PDE4B: variants seen among roughly 807,000 people sequenced by gnomAD.
The protein encoded by PDE4B is 3',5'-cyclic-AMP phosphodiesterase 4B.
A neutral mutation model predicts 82.2 loss-of-function variants in PDE4B; 20 were observed. The ratio of observed to expected loss-of-function variants is 0.24; its 90% CI spans 0.17 to 0.35. The LOEUF is 0.35. Among genes scored for constraint, PDE4B ranks in the 10% least tolerant of loss-of-function variants. PDE4B has a pLI of 1.00. For missense variants in PDE4B, 655 were observed against 907.2 expected (o/e 0.72, Z 3.57); for synonymous variants, 320 against 318.9 (o/e 1.00, Z -0.04).
rs1245155091 is a variant in PDE4B at position 66,040,140 on chromosome 1, A to G, written c.281+121305A>G. 2.0e-5 allele frequency among the ~76,000 whole-genome samples: 3 copies of G among 152,060 alleles called. No homozygotes were observed. The East Asian group carries it at 5.8e-4, about 29-fold the overall frequency. On this transcript the variant is annotated intron_variant, in intron 3 of 16. Transcript: ENST00000341517. ...ACTCAGGATTCTATGTTTATCTTTT[A>G]ACTTTTTCAATGAGGACGACTATTG...
chr1:66,012,546 A>G (rs1367379648), intron 3 of PDE4B, among the ~76,000 whole-genome samples: 1 of 152,090 alleles, frequency 6.6e-6, no homozygotes, highest in Admixed American at 6.6e-5. Flanking sequence ...CTCACACCCC[A>G]CTTCCTTCTG....
intron 4 of PDE4B, among the ~76,000 whole-genome samples, chr1:66,254,584 C>T (rs978771164): frequency 5.3e-5 from 8 of 152,060 alleles, no homozygotes; most frequent in Non-Finnish European, 7.4e-5. Context: ...TGTCTCCACC[C>T]GGATACAAAT....
intron 3 of PDE4B, among the ~76,000 whole-genome samples, chr1:66,032,650 C>G (rs1653845804): frequency 7.7e-6 from 1 of 129,222 alleles, no homozygotes; most frequent in African/African-American, 2.8e-5. Context: ...TATCATTTAT[C>G]TAATTTTTTT....
At chr1:66,339,710 G>T (rs1211310186) in intron 8 of PDE4B, among the ~76,000 whole-genome samples, 1 of 152,146 alleles carries the variant, frequency 6.6e-6, no homozygotes, top group Non-Finnish European at 1.5e-5. Flanking sequence ...ATTGTCAAAT[G>T]TAAATGTAAA....
intron 3 of PDE4B, among the ~76,000 whole-genome samples, chr1:66,139,722 C>T (rs1646130119): frequency 1.5e-5 from 2 of 134,330 alleles, no homozygotes; most frequent in Admixed American, 1.6e-4. Context: ...TTAAATAATT[C>T]CCCCTCCCCC....
chr1:66,003,458 A>G (rs1176379138), intron 3 of PDE4B, among the ~76,000 whole-genome samples: 2 of 152,228 alleles, frequency 1.3e-5, no homozygotes, highest in African/African-American at 4.8e-5. Flanking sequence ...AACAAGACAA[A>G]GCAAAACATA....
At chr1:66,260,410 G>T (rs750674424) in intron 6 of PDE4B, among the ~76,000 whole-genome samples, 1 of 152,164 alleles carries the variant, frequency 6.6e-6, no homozygotes, top group African/African-American at 2.4e-5. Flanking sequence ...TTATGGAATA[G>T]ATGAAGGTCA....
chr1:66,339,449 T>C (rs564446796), intron 8 of PDE4B, among the ~76,000 whole-genome samples: 3 of 152,380 alleles, frequency 2.0e-5, no homozygotes, highest in South Asian at 2.1e-4. Flanking sequence ...TAGTTCTTCA[T>C]TGGTTTTAAC....
At chr1:66,355,003 T>G (rs1347805623) in intron 8 of PDE4B, 1 of 949,232 alleles carries the variant, frequency 1.1e-6, no homozygotes, top group Non-Finnish European at 1.6e-6. Flanking sequence ...TGTGTGTTCA[T>G]TTAACCCACT....
At chr1:65,923,080 T>C (rs368179024) in intron 3 of PDE4B, among the ~76,000 whole-genome samples, 2 of 151,824 alleles carry the variant, frequency 1.3e-5, no homozygotes, top group Non-Finnish European at 2.9e-5. Context: ...AGTTCTCACA[T>C]TTATCTTCCA....
Position 66,330,692 on chromosome 1 carries a change from C to G in PDE4B, c.635-1816C>G, listed in dbSNP as rs569931174. Reference sequence around the variant, plus strand: ...GGGAATGAGAATGGGAGGGTTCTGTCTCTTCAGAAAAGGCTTCCTTGGAAG... The same window carrying G: ...GGGAATGAGAATGGGAGGGTTCTGTGTCTTCAGAAAAGGCTTCCTTGGAAG... On this transcript the variant is annotated intron_variant, in intron 7 of 16. Transcript: ENST00000341517. 8.9e-5 allele frequency: 71 copies of G among 798,888 alleles called. 1 individual carries two copies. In the South Asian group the frequency reaches 3.7e-3, roughly 41 times the overall value. The allele number at this position is 798,888 out of a possible 1,614,324, so 49.5% of individuals were successfully genotyped here. A position where few individuals can be genotyped will look rare whatever the true frequency, so the allele number is the denominator to read the frequency against.
chr1:66,068,774 G>C (rs1168219710), intron 3 of PDE4B, among the ~76,000 whole-genome samples: 1 of 151,936 alleles, frequency 6.6e-6, no homozygotes, highest in African/African-American at 2.4e-5. Context: ...TGGGATCATG[G>C]AAAAGGAAGA....
chr1:65,921,921 C>T (rs1418974611), intron 3 of PDE4B, among the ~76,000 whole-genome samples: 1 of 152,120 alleles, frequency 6.6e-6, no homozygotes, highest in East Asian at 1.9e-4. Flanking sequence ...CTAGATCAAG[C>T]CATCAAAGAC....
intron 3 of PDE4B, among the ~76,000 whole-genome samples, chr1:66,121,154 A>T (rs1457424211): frequency 1.3e-5 from 2 of 152,190 alleles, no homozygotes; most frequent in East Asian, 1.9e-4. Context: ...ATATGGAGTC[A>T]GGCAGGTAAA....
At chr1:66,111,233 A>G (rs1306550157) in intron 3 of PDE4B, among the ~76,000 whole-genome samples, 1 of 152,102 alleles carries the variant, frequency 6.6e-6, no homozygotes, top group East Asian at 1.9e-4. Context: ...TGTGTGCTGC[A>G]AAAGAACTGA....
At chr1:65,875,952 TA>T (rs34676619) in intron 1 of PDE4B, among the ~76,000 whole-genome samples, 20,814 of 148,700 alleles carry the variant, frequency 0.14, 1,810 homozygotes, top group South Asian at 0.21. Context: ...AAAGTATAAT[TA>T]AAAAAAAAAT....
chr1:65,921,346 G>T (rs2100486643), intron 3 of PDE4B, among the ~76,000 whole-genome samples: 1 of 152,248 alleles, frequency 6.6e-6, no homozygotes, highest in East Asian at 1.9e-4. Context: ...GGAATTATTG[G>T]TGAAGGAATC....
intron 3 of PDE4B, chr1:65,992,979 C>G (rs558522866): frequency 6.2e-7 from 1 of 1,613,982 alleles, no homozygotes; most frequent in Admixed American, 1.7e-5. Context: ...TTTCAAGGAG[C>G]AAATGCATTT....
At chr1:66,115,684 A>G (rs995032569) in intron 3 of PDE4B, among the ~76,000 whole-genome samples, 3 of 152,336 alleles carry the variant, frequency 2.0e-5, no homozygotes, top group East Asian at 3.9e-4. Context: ...AGTTGTGTGG[A>G]CAAATTTCTC....
Sources: gnomAD v4.1 joint callset for allele counts (sites outside exome capture counted in the v4.1 genomes callset) on GRCh38, gnomAD v4.1.1 for gene constraint, MANE v1.5 for transcripts, NCBI Gene and HGNC (gene_info 2026-07-23, HGNC 2026-07-21) for gene names.